Variants in ABHD3 observed in about 807,000 individuals in gnomAD.
ABHD3 encodes the protein abhydrolase domain containing 3, phospholipase, also known as phospholipase ABHD3.
ABHD3 carries 46 observed loss-of-function variants against 48.8 expected under a neutral mutation model. The observed-to-expected ratio is 0.94, with a 90% confidence interval of 0.74 to 1.20. The LOEUF is 1.20. ABHD3 is among the 50% of genes most tolerant of loss of function. ABHD3 has a pLI of 0.00. For synonymous variants in ABHD3, 192 were observed against 183.7 expected, an observed-to-expected ratio of 1.04 and a Z score of -0.36; for missense variants, 490 against 497.8, an observed-to-expected ratio of 0.98 and a Z score of 0.15.
chr18:21,673,388 G>A (rs2039799622), intron 4 of ABHD3, among the ~76,000 whole-genome samples: 1 of 151,986 alleles, frequency 6.6e-6, no homozygotes, highest in Non-Finnish European at 1.5e-5. Flanking sequence ...CCGCCTCCCA[G>A]GTTCAAGCGA....
In ABHD3 at chr18:21,704,676, C is replaced by A; in HGVS notation, c.-11G>T. 1 of 1,462,736 alleles carries A rather than the reference C, an allele frequency of 6.8e-7. No homozygotes were observed. The highest frequency in any genetic ancestry group is 1.4e-5 in the South Asian group (1 of 72,354). 90.6% of individuals were successfully genotyped at this position (1,462,736 alleles called of 1,614,324 possible). A position where few individuals can be genotyped will look rare whatever the true frequency, so the allele number is the denominator to read the frequency against. ...GGCCAGGCGCTGCATGGCCCCCGAGCGCGGCGCGCGGGTCCTGCGGCGGGA... is the reference window on the plus strand; with the variant it reads ...GGCCAGGCGCTGCATGGCCCCCGAGAGCGGCGCGCGGGTCCTGCGGCGGGA... On this transcript the variant is annotated 5_prime_UTR_variant, in exon 1 of 9. Coordinates refer to ENST00000289119, the MANE Select transcript of ABHD3 (RefSeq NM_138340.5).
At chr18:21,680,479 A>G (rs1313683663) in intron 4 of ABHD3, among the ~76,000 whole-genome samples, 1 of 152,188 alleles carries the variant, frequency 6.6e-6, no homozygotes. Flanking sequence ...GGGACTTCTG[A>G]GTCCGAGGTA....
intron 3 of ABHD3, among the ~76,000 whole-genome samples, chr18:21,697,325 G>A (rs1391803984): frequency 6.6e-5 from 10 of 151,478 alleles, no homozygotes; most frequent in Admixed American, 1.3e-4. Context: ...AGCCCACCTC[G>A]GACTCCCGAA....
chr18:21,703,546 G>A, intron 2 of ABHD3, 38 bp downstream of exon 2: 1 of 1,587,482 alleles, frequency 6.3e-7, no homozygotes, highest in Non-Finnish European at 8.6e-7. Flanking sequence ...AACAACCTGT[G>A]ATTTTGCAGA....
At chr18:21,666,213 G>T (rs1214817548) in intron 4 of ABHD3, among the ~76,000 whole-genome samples, 1 of 151,548 alleles carries the variant, frequency 6.6e-6, no homozygotes, top group East Asian at 1.9e-4. Context: ...TTTTATTTTT[G>T]AGACACAGTC....
At chr18:21,675,265 T>G (rs1214358900) in intron 4 of ABHD3, among the ~76,000 whole-genome samples, 3 of 133,666 alleles carry the variant, frequency 2.2e-5, no homozygotes, top group Non-Finnish European at 3.1e-5. Flanking sequence ...GAGGTGGGTT[T>G]TTTTTTTTTT....
intron 5 of ABHD3, among the ~76,000 whole-genome samples, chr18:21,660,855 T>C (rs946211593): frequency 6.6e-6 from 1 of 152,080 alleles, no homozygotes; most frequent in Non-Finnish European, 1.5e-5. Context: ...AGTCCTAGTT[T>C]TGGTGGCCCT....
intron 3 of ABHD3, among the ~76,000 whole-genome samples, chr18:21,688,772 T>C (rs1237089843): frequency 6.6e-6 from 1 of 152,056 alleles, no homozygotes; most frequent in Non-Finnish European, 1.5e-5. Flanking sequence ...TGAAAAACAG[T>C]AAAGATTCCA....
intron 3 of ABHD3, among the ~76,000 whole-genome samples, chr18:21,692,744 C>G (rs1472525883): frequency 6.6e-6 from 1 of 151,276 alleles, no homozygotes; most frequent in Non-Finnish European, 1.5e-5. Flanking sequence ...CTAAAATTTA[C>G]TCAGCTGCTT....
In ABHD3 at chr18:21,659,962, C is replaced by CTTTTTTTT. The variant is rs60634505; in HGVS notation, c.669-627_669-620dup. Among the ~76,000 whole-genome samples the CTTTTTTTT allele has an allele frequency of 3.4e-4, 25 of 73,860 alleles. 1 individual carries two copies. The highest frequency in any genetic ancestry group is 2.0e-3 in the African/African-American group (25 of 12,654). The allele number at this position is 73,860 out of a possible 152,430, so 48.5% of individuals were successfully genotyped here. On this transcript the variant is annotated intron_variant, in intron 5 of 8. Transcript: ENST00000289119. ...TGAGATTACAGCCGTTGCACCCGGC[C>CTTTTTTTT]TTTTTTTTTTTTTTTTTTTTTTTGA...
intron 3 of ABHD3, among the ~76,000 whole-genome samples, chr18:21,697,797 GA>G (rs2040411968): frequency 6.6e-6 from 1 of 152,150 alleles, no homozygotes; most frequent in Admixed American, 6.5e-5. Context: ...CACCTTAACA[GA>G]AAAGTACTTT....
intron 4 of ABHD3, among the ~76,000 whole-genome samples, chr18:21,675,538 G>C (rs916633974): frequency 6.6e-6 from 1 of 151,834 alleles, no homozygotes; most frequent in Non-Finnish European, 1.5e-5. Context: ...AAGTGCTGGC[G>C]TTACAGGTAT....
intron 8 of ABHD3, among the ~76,000 whole-genome samples, chr18:21,653,870 T>G (rs2039285932): frequency 6.6e-6 from 1 of 151,496 alleles, no homozygotes; most frequent in Non-Finnish European, 1.5e-5. Flanking sequence ...AGATGGAATT[T>G]CACTGTTGTT....
intron 5 of ABHD3, chr18:21,663,592 G>C (rs1447169825): frequency 7.6e-7 from 1 of 1,323,162 alleles, no homozygotes; most frequent in Non-Finnish European, 1.0e-6. Context: ...CTGGAGTAGG[G>C]GGTTAACAAA....
intron 5 of ABHD3, among the ~76,000 whole-genome samples, chr18:21,661,102 T>TAAAAAAAAAAAAAAAAAAAAAAAAAAAAA (rs35710540): frequency 7.0e-5 from 4 of 57,224 alleles, no homozygotes; most frequent in Non-Finnish European, 9.6e-5. Flanking sequence ...AACTACAAGC[T>TAAAAAAAAAAAAAAAAAAAAAAAAAAAAA]AAAAAAAAAA....
At chr18:21,652,418 AAAG>A (rs891491481) in intron 8 of ABHD3, among the ~76,000 whole-genome samples, 7 of 152,082 alleles carry the variant, frequency 4.6e-5, no homozygotes, top group African/African-American at 9.7e-5. Context: ...AGAAAGACAA[AAAG>A]AAGAAAAAGA....
intron 5 of ABHD3, among the ~76,000 whole-genome samples, chr18:21,659,721 T>G (rs530572884): frequency 1.5e-4 from 23 of 151,812 alleles, no homozygotes; most frequent in Admixed American, 1.4e-3. Context: ...CAGCCTGGAG[T>G]GCAGTGGTGC....
chr18:21,651,863 T>C, intron 8 of ABHD3, 100 bp from the exon 9 acceptor site: 1 of 1,085,818 alleles, frequency 9.2e-7, no homozygotes, highest in South Asian at 1.8e-5. Flanking sequence ...TTATCATGTC[T>C]AATAAACAGA....
intron 6 of ABHD3, 81 bp from the exon 7 acceptor site, chr18:21,657,233 A>G: frequency 3.8e-6 from 5 of 1,318,224 alleles, no homozygotes; most frequent in Non-Finnish European, 5.2e-6. Context: ...ACAAATTACT[A>G]AACAGCCTAC....
Sources: allele counts gnomAD v4.1 joint callset (sites outside exome capture counted in the v4.1 genomes callset), GRCh38; gene constraint gnomAD v4.1.1; transcripts MANE v1.5; gene names NCBI Gene and HGNC (gene_info 2026-07-23, HGNC 2026-07-21).